Variants in KLRB1 observed in about 807,000 individuals in gnomAD.
KLRB1 encodes killer cell lectin like receptor B1, also known as killer cell lectin-like receptor subfamily B member 1.
A neutral mutation model predicts 33.5 loss-of-function variants in KLRB1; 27 were observed. That is an observed-to-expected ratio of 0.81 (90% CI 0.59 to 1.11). The LOEUF (loss-of-function observed/expected upper bound fraction) is 1.11, where lower values mean the gene tolerates loss of function less well. Among genes scored for constraint, KLRB1 ranks in the 50% most tolerant of loss-of-function variants. The pLI is 0.00. For missense variants in KLRB1, 241 were observed against 254.1 expected (o/e 0.95, Z 0.35); for synonymous variants, 64 against 88.9 (o/e 0.72, Z 1.58).
In KLRB1 at chr12:9,601,589, C is replaced by T; in HGVS notation, c.96G>A (p.Gln32=). 6.2e-7 allele frequency: 1 copy of T among 1,609,618 alleles called. No individual in the cohort carries two copies. Among genetic ancestry groups the T allele is most frequent in the Non-Finnish European group, 8.5e-7 (1 of 1,176,338 alleles). The change falls in exon 2 of 6, where the codon CAG becomes CAA. Residue 32 remains glutamine, a synonymous_variant. Transcript: ENST00000229402. ...GGGCAAATTGATGCCAAGGTGAACC[C>T]TGACAGACATCTGAAAAGTTAAAAA... The part of the protein sequence containing the change: ...SPSSLPRDVC[Q]GSPWHQFALK...
intron 1 of KLRB1, among the ~76,000 whole-genome samples, chr12:9,606,760 A>ATATT (rs1336534922): frequency 1.3e-4 from 8 of 63,736 alleles, no homozygotes; most frequent in African/African-American, 4.1e-4. Context: ...ATATATATAT[A>ATATT]TTTTTTTTTT....
At chr12:9,600,359 G>C (rs1373925728) in intron 2 of KLRB1, among the ~76,000 whole-genome samples, 1 of 152,048 alleles carries the variant, frequency 6.6e-6, no homozygotes, top group Non-Finnish European at 1.5e-5. Flanking sequence ...AAATATGAAA[G>C]GCTGGTATCC....
At chr12:9,603,921 G>A (rs1157364462) in intron 1 of KLRB1, among the ~76,000 whole-genome samples, 2 of 152,048 alleles carry the variant, frequency 1.3e-5, no homozygotes, top group Non-Finnish European at 2.9e-5. Context: ...ATAATATTTT[G>A]GAGAGGATTA....
intron 1 of KLRB1, among the ~76,000 whole-genome samples, chr12:9,602,147 C>T (rs1452663024): frequency 6.6e-6 from 1 of 152,142 alleles, no homozygotes; most frequent in Non-Finnish European, 1.5e-5. Context: ...CTTGGGATCC[C>T]AAGCCATCAA....
At position 9,600,197 on chromosome 12, in the gene KLRB1, T is replaced by A. The variant is rs117732024; in HGVS notation, c.185-356A>T. 2.1e-3 allele frequency among the ~76,000 whole-genome samples: 319 copies of A among 152,318 alleles called. 2 individuals are homozygous for A. The highest frequency in any genetic ancestry group is 4.7e-3 in the Admixed American group (72 of 15,294). ...TGCCTGTTCCAAGGGAGAGATTGTC[T>A]ACTGCAATCTGGAATTTTAGTAAGT... On this transcript the variant is annotated intron_variant, in intron 2 of 5. Coordinates refer to ENST00000229402, the MANE Select transcript of KLRB1 (RefSeq NM_002258.3).
intron 1 of KLRB1, among the ~76,000 whole-genome samples, chr12:9,607,415 T>TTCTTTCTTTCTTTCTTTCTTTTCTTTCTG (rs1555097888): frequency 1.9e-5 from 2 of 103,284 alleles, no homozygotes; most frequent in African/African-American, 3.2e-5. Flanking sequence ...TTTTCTTTCT[T>TTCTTTCTTTCTTTCTTTCTTTTCTTTCTG]TCTTTCTTTC....
At chr12:9,595,823 T>C (rs924120028) in intron 5 of KLRB1, among the ~76,000 whole-genome samples, 3 of 152,124 alleles carry the variant, frequency 2.0e-5, no homozygotes, top group Non-Finnish European at 2.9e-5. Flanking sequence ...AGATGAAATA[T>C]GAAAATGTGG....
chr12:9,604,428 C>T (rs1376019675), intron 1 of KLRB1, among the ~76,000 whole-genome samples: 1 of 152,070 alleles, frequency 6.6e-6, no homozygotes, highest in Non-Finnish European at 1.5e-5. Flanking sequence ...CTGCCTTAGA[C>T]ACAATCACCA....
intron 1 of KLRB1, among the ~76,000 whole-genome samples, chr12:9,604,955 A>G (rs945262205): frequency 2.6e-5 from 4 of 152,072 alleles, no homozygotes; most frequent in Non-Finnish European, 5.9e-5. Context: ...CGTCATTTAC[A>G]TTAGGTATTT....
intron 1 of KLRB1, among the ~76,000 whole-genome samples, chr12:9,604,864 G>A (rs920144660): frequency 6.6e-6 from 1 of 151,924 alleles, no homozygotes; most frequent in Non-Finnish European, 1.5e-5. Flanking sequence ...TATACTTTAA[G>A]TTCTAGGGTA....
intron 3 of KLRB1, among the ~76,000 whole-genome samples, chr12:9,599,123 C>G (rs1442391141): frequency 6.6e-6 from 1 of 152,108 alleles, no homozygotes; most frequent in Non-Finnish European, 1.5e-5. Context: ...ATTATTTTCA[C>G]TAAATTAATA....
chr12:9,603,203 G>T (rs1241150932), intron 1 of KLRB1, among the ~76,000 whole-genome samples: 2 of 152,112 alleles, frequency 1.3e-5, no homozygotes, highest in Non-Finnish European at 2.9e-5. Context: ...GGTAATATTG[G>T]CCTAGAACTT....
chr12:9,607,355 C>CTTCCTTTCTTT (rs1555097796), intron 1 of KLRB1, among the ~76,000 whole-genome samples: 1,437 of 52,578 alleles, frequency 0.027, 74 homozygotes, highest in East Asian at 0.067. Flanking sequence ...TTTCTTTCTT[C>CTTCCTTTCTTT]CTTTCTTTCT....
At chr12:9,598,448 G>C (rs1565442077) in intron 4 of KLRB1, 51 bp downstream of exon 4, 2 of 1,512,080 alleles carry the variant, frequency 1.3e-6, no homozygotes, top group Non-Finnish European at 1.8e-6. Flanking sequence ...ACATTAATAT[G>C]GTTTAAAGAA....
chr12:9,607,455 G>T (rs1864635113), intron 1 of KLRB1, among the ~76,000 whole-genome samples: 1 of 141,200 alleles, frequency 7.1e-6, no homozygotes. Flanking sequence ...TAGAGCAGGG[G>T]TAACCAATAG....
chr12:9,597,892 A>G (rs1304746900), intron 5 of KLRB1, among the ~76,000 whole-genome samples, 154 bp downstream of exon 5: 7 of 152,168 alleles, frequency 4.6e-5, no homozygotes, highest in African/African-American at 9.6e-5. Context: ...GAACTTTCCA[A>G]CCAACTTTGA....
chr12:9,600,214 T>G lies in KLRB1; in HGVS notation c.185-373A>C, dbSNP rs767840487. Among the ~76,000 whole-genome samples the G allele has an allele frequency of 1.1e-4, 16 of 152,318 alleles. No homozygotes were observed. The East Asian group carries it at 2.9e-3, about 28-fold the overall frequency. On this transcript the variant is annotated intron_variant, in intron 2 of 5. Coordinates refer to ENST00000229402, the MANE Select transcript of KLRB1 (RefSeq NM_002258.3). ...AGATTGTCTACTGCAATCTGGAATT[T>G]TAGTAAGTACATTATAAACCATAAA...
chr12:9,601,640 ACG>A, intron 1 of KLRB1, 41 bp from the exon 2 acceptor site: 1 of 1,452,186 alleles, frequency 6.9e-7, no homozygotes, highest in Admixed American at 1.7e-5. Flanking sequence ...AAACAAACAA[ACG>A]AAACAAAAAA....
chr12:9,607,803 G>A lies in KLRB1; in HGVS notation c.37C>T (p.Pro13Ser). The A allele has an allele frequency of 1.9e-6, 3 of 1,613,720 alleles. No homozygotes were observed. Among genetic ancestry groups the A allele is most frequent in the Non-Finnish European group, 2.5e-6 (3 of 1,179,706 alleles). Residue 13 changes from proline (P) to serine (S), a missense_variant, in exon 1 of 6, where the codon CCC becomes TCC. Transcript: ENST00000229402. ...GAACTTTCTGGGCCTGAGTCTGTGG[G>A]TAAGTTTAACTCAGCATATATTGCT... ...QQAIYAELNL[P>S]TDSGPESSSP...
Sources: allele counts gnomAD v4.1 joint callset (sites outside exome capture counted in the v4.1 genomes callset), GRCh38; gene constraint gnomAD v4.1.1; transcripts MANE v1.5; gene names NCBI Gene and HGNC (gene_info 2026-07-23, HGNC 2026-07-21).